CACNA1C: variants seen among roughly 807,000 people sequenced by gnomAD.
The protein encoded by CACNA1C is calcium voltage-gated channel subunit alpha1 C.
In CACNA1C, 30 loss-of-function variants were observed where a neutral mutation model predicts 229.0. That is an observed-to-expected ratio of 0.13 (90% CI 0.10 to 0.18). The LOEUF (loss-of-function observed/expected upper bound fraction) is 0.18. Ranked by LOEUF, CACNA1C falls within the 10% of genes least tolerant of loss-of-function variation. The probability of loss-of-function intolerance (pLI) is 1.00; values close to 1 mark genes in which losing one functional copy is unlikely to be tolerated. For synonymous variants in CACNA1C, 1,114 were observed against 1,132.5 expected (o/e 0.98, Z 0.33); for missense variants, 1,658 against 2,845.0 (o/e 0.58, Z 9.49).
In CACNA1C at chr12:2,287,188, A is replaced by G. The variant is rs1354371871; in HGVS notation, c.478-161788A>G. 6.6e-6 allele frequency among the ~76,000 whole-genome samples: 1 copy of G among 151,996 alleles called. No individual in the cohort carries two copies. The highest frequency in any genetic ancestry group is 1.5e-5 in the Non-Finnish European group (1 of 67,998). On this transcript the variant is annotated intron_variant, in intron 3 of 46. Transcript: ENST00000399655. The surrounding 1 kb of genome is among the most constrained non-coding windows in gnomAD (Gnocchi z 4.6). ...CCTTCATGGTCTCCTGGTACTTTTA[A>G]CCCCTTCTCTCCATTTTTCCCAAGG...
chr12:2,262,735 G>C (rs955523635), intron 3 of CACNA1C, among the ~76,000 whole-genome samples: 1 of 152,208 alleles, frequency 6.6e-6, no homozygotes, highest in Non-Finnish European at 1.5e-5. Flanking sequence ...GAATCAGAAA[G>C]TTAGTGACCG....
chr12:2,514,440 G>A (rs1179824780), intron 9 of CACNA1C, among the ~76,000 whole-genome samples: 1 of 152,172 alleles, frequency 6.6e-6, no homozygotes, highest in Admixed American at 6.5e-5. Flanking sequence ...TTGCAAGTTG[G>A]AATACAGGGC....
At chr12:2,019,489 A>AAGGGAGGGAGGG (rs139670456) in intron 1 of CACNA1C, among the ~76,000 whole-genome samples, 24 of 129,098 alleles carry the variant, frequency 1.9e-4, no homozygotes, top group Admixed American at 8.7e-4. Context: ...AAAGAAAAGA[A>AAGGGAGGGAGGG]AGGGAGGGAG....
chr12:2,392,486 T>C (rs2098501355), intron 3 of CACNA1C, among the ~76,000 whole-genome samples: 1 of 152,160 alleles, frequency 6.6e-6, no homozygotes, highest in Non-Finnish European at 1.5e-5. Flanking sequence ...AGCATCTGAT[T>C]TGCCAGCCCC....
At chr12:2,502,721 C>T (rs2099763471) in intron 7 of CACNA1C, among the ~76,000 whole-genome samples, 1 of 152,212 alleles carries the variant, frequency 6.6e-6, no homozygotes, top group South Asian at 2.1e-4. Flanking sequence ...ACTTCTCAGT[C>T]TTTTATTCCC....
chr12:2,285,176 C>A lies in CACNA1C; in HGVS notation c.478-163800C>A, dbSNP rs2092436367. On this transcript the variant is annotated intron_variant, in intron 3 of 46. Transcript: ENST00000399655. The surrounding 1 kb of genome is among the most constrained non-coding windows in gnomAD (Gnocchi z 4.2). Reference sequence around the variant, plus strand: ...CTCTCCATTCCATCCCTGCGTGTTACCTAGCAGGAATTTCCTCTTCCTTGG... The same window carrying A: ...CTCTCCATTCCATCCCTGCGTGTTAACTAGCAGGAATTTCCTCTTCCTTGG... Among the ~76,000 whole-genome samples, 1 of 152,182 alleles carries A rather than the reference C, an allele frequency of 6.6e-6. No individual in the cohort carries two copies. Among genetic ancestry groups the A allele is most frequent in the Non-Finnish European group, 1.5e-5 (1 of 68,036 alleles).
rs191735014 is a variant in CACNA1C, at chr12:2,662,140, G to A, written c.4233-2685G>A. 4.6e-5 allele frequency among the ~76,000 whole-genome samples: 7 copies of A among 151,982 alleles called. No individual in the cohort carries two copies. In the East Asian group the frequency reaches 1.4e-3, roughly 29 times the overall value. Reference sequence around the variant, plus strand: ...GCCTGTAGTCCCAGCTACTCAGGAGGCTAAGGTGGGAGAATCTCTTGAACC... The same window carrying A: ...GCCTGTAGTCCCAGCTACTCAGGAGACTAAGGTGGGAGAATCTCTTGAACC... On this transcript the variant is annotated intron_variant, in intron 34 of 46. Coordinates refer to ENST00000399655, the MANE Select transcript of CACNA1C (RefSeq NM_000719.7).
In CACNA1C at chr12:2,601,793, AG is replaced by A; in HGVS notation, c.2854-57del. On this transcript the variant is annotated intron_variant, in intron 21 of 46. Transcript: ENST00000399655. The surrounding 1 kb of genome is among the most constrained non-coding windows in gnomAD (Gnocchi z 5.9). ...TGCTGTGGGAGGAAGGGGTGGTGTGAGGGGTCTCTGGGCTAGGGCTAGGGCC... is the reference window on the plus strand; with the variant it reads ...TGCTGTGGGAGGAAGGGGTGGTGTGAGGGTCTCTGGGCTAGGGCTAGGGCC... The A allele has an allele frequency of 9.7e-7, 1 of 1,032,112 alleles. No homozygotes were observed. Among genetic ancestry groups the A allele is most frequent in the East Asian group, 2.4e-5 (1 of 42,156 alleles). 63.9% of individuals were successfully genotyped at this position (1,032,112 alleles called of 1,614,324 possible). A position where few individuals can be genotyped will look rare whatever the true frequency, so the allele number is the denominator to read the frequency against.
chr12:2,539,909 G>C (rs2099865204), intron 9 of CACNA1C, among the ~76,000 whole-genome samples: 1 of 152,196 alleles, frequency 6.6e-6, no homozygotes, highest in Non-Finnish European at 1.5e-5. Flanking sequence ...AAGCCAGCAA[G>C]TACAGTACCC....
intron 34 of CACNA1C, among the ~76,000 whole-genome samples, chr12:2,662,994 A>G (rs571965436): frequency 1.3e-5 from 2 of 152,382 alleles, no homozygotes; most frequent in South Asian, 4.1e-4. Flanking sequence ...TTTCAGGTCA[A>G]TAAGTTATTG....
chr12:2,143,464 G>T lies in CACNA1C; in HGVS notation c.477+23034G>T, dbSNP rs759667010. Among the ~76,000 whole-genome samples the T allele has an allele frequency of 1.3e-4, 20 of 149,752 alleles. 1 individual carries two copies. Among genetic ancestry groups the T allele is most frequent in the Non-Finnish European group, 2.7e-4 (18 of 67,588 alleles). On this transcript the variant is annotated intron_variant, in intron 3 of 46. Transcript: ENST00000399655. ...GGTGCACCATTTTTTGTCTTTTATA[G>T]ATTATTTTTTATGTACCTTATCTAT...
chr12:2,103,583 A>C lies in CACNA1C; in HGVS notation c.50-11641A>C, dbSNP rs141108187. On this transcript the variant is annotated intron_variant, in intron 1 of 46. Transcript: ENST00000399655. ...TGTGCAGAAGCTCTTCAGTTTAATC[A>C]GATCCCATTTGTCTATTCTGGCTTT... Among the ~76,000 whole-genome samples, 240 of 152,330 alleles carry C rather than the reference A, an allele frequency of 1.6e-3. 5 individuals carry two copies. Among genetic ancestry groups the C allele is most frequent in the African/African-American group, 5.3e-3 (220 of 41,574 alleles).
Position 2,115,444 on chromosome 12 carries a change from G to A in CACNA1C, c.270G>A (p.Lys90=), listed in dbSNP as rs761586144. 1.2e-6 allele frequency: 2 copies of A among 1,613,224 alleles called. No homozygotes were observed. The highest frequency in any genetic ancestry group is 1.7e-6 in the Non-Finnish European group (2 of 1,179,882). The change falls in exon 2 of 47, where the codon AAG becomes AAA. Residue 90 remains lysine (K), a synonymous_variant. Coordinates refer to ENST00000399655, the MANE Select transcript of CACNA1C (RefSeq NM_000719.7). ...AGCGGCAGCAATATGGGAAACCCAAGAAGCAGGGCAGCACCACGGCCACAC... is the reference window on the plus strand; with the variant it reads ...AGCGGCAGCAATATGGGAAACCCAAAAAGCAGGGCAGCACCACGGCCACAC... The part of the protein sequence containing the change: ...QRKRQQYGKP[K]KQGSTTATRP...
At chr12:2,387,788 G>T (rs2098418464) in intron 3 of CACNA1C, among the ~76,000 whole-genome samples, 1 of 152,210 alleles carries the variant, frequency 6.6e-6, no homozygotes, top group Non-Finnish European at 1.5e-5. Flanking sequence ...ACAGAAAGAA[G>T]TTGCCACAAA....
chr12:2,648,908 G>A (rs528695482), intron 31 of CACNA1C, among the ~76,000 whole-genome samples: 36 of 152,270 alleles, frequency 2.4e-4, no homozygotes, highest in Admixed American at 2.3e-3. Flanking sequence ...AGGGTAAGGA[G>A]GGAAGACAGG....
Position 2,591,738 on chromosome 12 carries a change from C to T in CACNA1C, c.2531-1475C>T, listed in dbSNP as rs570015251. On this transcript the variant is annotated intron_variant, in intron 18 of 46. Coordinates refer to ENST00000399655, the MANE Select transcript of CACNA1C (RefSeq NM_000719.7). ...GTGACCACACACTGGGCAGCTTAAA[C>T]AGCAGAAATGCATCCTTTTACAGTT... 2.6e-5 allele frequency among the ~76,000 whole-genome samples: 4 copies of T among 152,356 alleles called. No homozygotes were observed. The East Asian group carries it at 7.7e-4, about 29-fold the overall frequency.
At chr12:2,220,450 G>A (rs909695669) in intron 3 of CACNA1C, 1 of 152,672 alleles carries the variant, frequency 6.5e-6, no homozygotes, top group Non-Finnish European at 1.5e-5. Flanking sequence ...GTGTGAAGAG[G>A]TGCTGACACT....
At chr12:2,501,695 C>G (rs1449891637) in intron 7 of CACNA1C, among the ~76,000 whole-genome samples, 1 of 152,190 alleles carries the variant, frequency 6.6e-6, no homozygotes, top group African/African-American at 2.4e-5. Flanking sequence ...TGTATTGGCT[C>G]GGGTTTGTTT....
In CACNA1C at chr12:2,195,077, A is replaced by ATG. The variant is rs76048819; in HGVS notation, c.477+74661_477+74662dup. On this transcript the variant is annotated intron_variant, in intron 3 of 46. Transcript: ENST00000399655. ...TACACTTCCCTGAATGAAAGAAGAG[A>ATG]TGTGTGTGTGTGTGTATTTAAATCA... Among the ~76,000 whole-genome samples the ATG allele has an allele frequency of 4.6e-4, 70 of 152,026 alleles. No individual in the cohort carries two copies. The East Asian group carries it at 7.1e-3, about 16-fold the overall frequency.
Sources: gnomAD v4.1 joint callset for allele counts (sites outside exome capture counted in the v4.1 genomes callset) on GRCh38, gnomAD v4.1.1 for gene constraint, Gnocchi (gnomAD v3.1) non-coding constraint, MANE v1.5 for transcripts, NCBI Gene and HGNC (gene_info 2026-07-23, HGNC 2026-07-21) for gene names.